CSMD1: variants seen among roughly 807,000 people sequenced by gnomAD.
CSMD1 encodes CUB and Sushi multiple domains 1, also known as CUB and sushi domain-containing protein 1.
In CSMD1, 213 loss-of-function variants were observed where a neutral mutation model predicts 417.5. The observed-to-expected ratio is 0.51, with a 90% CI of 0.46 to 0.57. The LOEUF is 0.57. Among genes scored for constraint, CSMD1 ranks in the 20% least tolerant of loss-of-function variants. The probability of loss-of-function intolerance (pLI) is 0.00; values close to 1 mark genes in which losing one functional copy is unlikely to be tolerated. For missense variants in CSMD1, 6,923 were observed against 4,529.7 expected (o/e 1.53, Z -15.17); for synonymous variants, 2,862 against 1,736.8 (o/e 1.65, Z -16.11).
intron 17 of CSMD1, among the ~76,000 whole-genome samples, chr8:3,394,152 A>G (rs113250144): frequency 0.072 from 10,438 of 145,118 alleles, 440 homozygotes; most frequent in East Asian, 0.17. Context: ...TTTTAAACAC[A>G]GGATAAATGA....
At chr8:4,969,267 T>G (rs1040424358) in intron 1 of CSMD1, among the ~76,000 whole-genome samples, 2 of 152,164 alleles carry the variant, frequency 1.3e-5, no homozygotes, top group Admixed American at 6.6e-5. Flanking sequence ...TAAGAATTAC[T>G]TAGGCATTTT....
intron 21 of CSMD1, among the ~76,000 whole-genome samples, chr8:3,357,687 C>A (rs1431228240): frequency 3.3e-5 from 5 of 152,068 alleles, no homozygotes. Flanking sequence ...GGGTTTTGTC[C>A]AGATTTCAAA....
At chr8:4,266,163 CA>C (rs1469867870) in intron 3 of CSMD1, among the ~76,000 whole-genome samples, 1 of 104,532 alleles carries the variant, frequency 9.6e-6, no homozygotes, top group African/African-American at 2.6e-5. Context: ...CATCTACCAC[CA>C]AAAACCCAGT....
chr8:4,438,107 T>TA lies in CSMD1; in HGVS notation c.303-18043dup, dbSNP rs1375180284. 1.1e-4 allele frequency among the ~76,000 whole-genome samples: 17 copies of TA among 152,200 alleles called. No homozygotes were observed. The East Asian group carries it at 3.3e-3, about 29-fold the overall frequency. ...TTGGTTTCCAAGTTCCTGCTGTTTC[T>TA]AGCACACTACGCTGCACTCAGAAAA... On this transcript the variant is annotated intron_variant, in intron 2 of 69. Transcript: ENST00000635120.
At chr8:3,234,985 G>A (rs1204698692) in intron 26 of CSMD1, among the ~76,000 whole-genome samples, 1 of 152,142 alleles carries the variant, frequency 6.6e-6, no homozygotes, top group African/African-American at 2.4e-5. Flanking sequence ...TCATCTGAAT[G>A]AACTTCCCAT....
At chr8:4,678,266 C>G (rs1805822066) in intron 1 of CSMD1, among the ~76,000 whole-genome samples, 1 of 151,788 alleles carries the variant, frequency 6.6e-6, no homozygotes, top group Non-Finnish European at 1.5e-5. Context: ...CAAAAATTAG[C>G]CAGGTGTGGT....
At chr8:3,517,018 G>A (rs1447851808) in intron 10 of CSMD1, among the ~76,000 whole-genome samples, 2 of 152,202 alleles carry the variant, frequency 1.3e-5, no homozygotes, top group South Asian at 2.1e-4. Context: ...GTGTCATGGT[G>A]AGCAAAGGAG....
At chr8:4,168,055 G>A (rs1041849693) in intron 3 of CSMD1, among the ~76,000 whole-genome samples, 4 of 152,030 alleles carry the variant, frequency 2.6e-5, no homozygotes, top group South Asian at 2.1e-4. Context: ...CTTGAAACCA[G>A]GAGGCAGAAG....
chr8:3,118,979 G>C (rs1817028988), intron 41 of CSMD1, among the ~76,000 whole-genome samples: 1 of 152,168 alleles, frequency 6.6e-6, no homozygotes, highest in African/African-American at 2.4e-5. Flanking sequence ...AGGAGATCAA[G>C]ACCATCCTGG....
chr8:3,303,401 G>A (rs542912551), intron 25 of CSMD1, among the ~76,000 whole-genome samples: 3 of 152,196 alleles, frequency 2.0e-5, no homozygotes, highest in Non-Finnish European at 2.9e-5. Flanking sequence ...ACAGCCAGCA[G>A]AACACCAGGG....
At chr8:4,298,835 A>G (rs28411109) in intron 3 of CSMD1, among the ~76,000 whole-genome samples, 35,948 of 151,978 alleles carry the variant, frequency 0.24, 5,255 homozygotes, top group Non-Finnish European at 0.33. Context: ...AAGTATAATA[A>G]AAAATTATTT....
At chr8:4,332,415 C>T (rs543389183) in intron 3 of CSMD1, among the ~76,000 whole-genome samples, 26 of 152,076 alleles carry the variant, frequency 1.7e-4, no homozygotes, top group Non-Finnish European at 3.4e-4. Flanking sequence ...TAAATTCTTT[C>T]TAGGCACCTG....
intron 1 of CSMD1, among the ~76,000 whole-genome samples, chr8:4,640,439 G>A (rs544978157): frequency 6.6e-6 from 1 of 152,040 alleles, no homozygotes; most frequent in African/African-American, 2.4e-5. Context: ...ATAGCCAGTG[G>A]AACAGAATAG....
chr8:3,547,550 A>G (rs1160758023), intron 10 of CSMD1, among the ~76,000 whole-genome samples: 3 of 152,212 alleles, frequency 2.0e-5, no homozygotes, highest in Non-Finnish European at 4.4e-5. Flanking sequence ...CCAAAGTCTC[A>G]TACAAAATTG....
At chr8:3,980,446 A>T (rs1813766298) in intron 5 of CSMD1, among the ~76,000 whole-genome samples, 1 of 152,030 alleles carries the variant, frequency 6.6e-6, no homozygotes, top group African/African-American at 2.4e-5. Flanking sequence ...TTCACATCTT[A>T]CACGTTTGTG....
At chr8:3,019,331 T>G (rs954769269) in intron 51 of CSMD1, among the ~76,000 whole-genome samples, 9 of 152,162 alleles carry the variant, frequency 5.9e-5, no homozygotes, top group Admixed American at 2.0e-4. Flanking sequence ...AAATTGTCTA[T>G]CTCTCTACCT....
chr8:4,882,824 T>G (rs1165214939), intron 1 of CSMD1, among the ~76,000 whole-genome samples: 1 of 152,034 alleles, frequency 6.6e-6, no homozygotes, highest in African/African-American at 2.4e-5. Context: ...GAGGAAAACT[T>G]TCTACTTTCC....
intron 3 of CSMD1, among the ~76,000 whole-genome samples, chr8:4,416,024 T>A (rs936910114): frequency 6.6e-6 from 1 of 152,212 alleles, no homozygotes; most frequent in Non-Finnish European, 1.5e-5. Flanking sequence ...TAGATCACCT[T>A]ATTTCACTTA....
Position 3,035,729 on chromosome 8 carries a change from G to A in CSMD1, c.7661-6216C>T, listed in dbSNP as rs115497469. Among the ~76,000 whole-genome samples, 745 of 152,060 alleles carry A rather than the reference G, an allele frequency of 4.9e-3. 10 individuals carry two copies. Among genetic ancestry groups the A allele is most frequent in the African/African-American group, 0.017 (705 of 41,364 alleles). On this transcript the variant is annotated intron_variant, in intron 50 of 69. Coordinates refer to ENST00000635120, the MANE Select transcript of CSMD1 (RefSeq NM_033225.6). The stretch of plus-strand genomic sequence containing the variant: ...ATCAATATTTTTAACAATTATAAGT[G>A]AATAAATTGCCAGGTCAAGTTTTGT...
Sources: allele counts gnomAD v4.1 joint callset (sites outside exome capture counted in the v4.1 genomes callset), GRCh38; gene constraint gnomAD v4.1.1; transcripts MANE v1.5; gene names NCBI Gene and HGNC (gene_info 2026-07-23, HGNC 2026-07-21).